The following PRKCH variants were observed in gnomAD, a reference collection of about 807,000 sequenced individuals.
PRKCH encodes protein kinase C eta.
In PRKCH, 28 loss-of-function variants were observed where a neutral mutation model predicts 82.5. The ratio of observed to expected loss-of-function variants is 0.34; its 90% CI spans 0.25 to 0.47. PRKCH has a LOEUF of 0.47. PRKCH is among the 20% of genes least tolerant of loss of function. The probability of loss-of-function intolerance (pLI) is 1.00; values close to 1 mark genes in which losing one functional copy is unlikely to be tolerated. For missense variants in PRKCH, 705 were observed against 881.8 expected, an observed-to-expected ratio of 0.80 and a Z score of 2.54; for synonymous variants, 322 against 327.4, an observed-to-expected ratio of 0.98 and a Z score of 0.18.
At chr14:61,407,179 A>G (rs1189148784) in intron 2 of PRKCH, among the ~76,000 whole-genome samples, 1 of 152,246 alleles carries the variant, frequency 6.6e-6, no homozygotes, top group Non-Finnish European at 1.5e-5. Flanking sequence ...GACTATTCTC[A>G]TGCTCTGACC....
intron 12 of PRKCH, chr14:61,543,233 G>A (rs17098749): frequency 0.061 from 9,309 of 152,228 alleles, 499 homozygotes; most frequent in East Asian, 0.28. Context: ...CGTCAGGAGG[G>A]AGCATGCCTG....
At chr14:61,340,019 T>G (rs2045912074) in intron 1 of PRKCH, among the ~76,000 whole-genome samples, 1 of 152,026 alleles carries the variant, frequency 6.6e-6, no homozygotes, top group Non-Finnish European at 1.5e-5. Context: ...CAAATCTTTC[T>G]GAGCACTCAG....
intron 7 of PRKCH, among the ~76,000 whole-genome samples, chr14:61,455,415 C>T (rs553021747): frequency 2.0e-5 from 3 of 152,242 alleles, no homozygotes; most frequent in African/African-American, 7.2e-5. Context: ...TCAGCAATGA[C>T]TGTTACATGT....
intron 9 of PRKCH, among the ~76,000 whole-genome samples, chr14:61,460,936 G>A (rs187984467): frequency 6.6e-6 from 1 of 152,294 alleles, no homozygotes; most frequent in East Asian, 1.9e-4. Flanking sequence ...CCTGGAGAAT[G>A]GGTGGAGCAG....
chr14:61,315,751 G>A (rs1345975836), intron 1 of PRKCH, among the ~76,000 whole-genome samples: 2 of 91,386 alleles, frequency 2.2e-5, no homozygotes, highest in African/African-American at 7.8e-5. Flanking sequence ...GTTATTTACT[G>A]GATTTTTTTT....
chr14:61,516,992 G>A (rs957995327), intron 10 of PRKCH, among the ~76,000 whole-genome samples: 1 of 152,156 alleles, frequency 6.6e-6, no homozygotes, highest in Non-Finnish European at 1.5e-5. Flanking sequence ...GTTTTTCAGA[G>A]GTTTGTGTTT....
chr14:61,350,606 C>T (rs2046059980), intron 1 of PRKCH, among the ~76,000 whole-genome samples: 2 of 152,116 alleles, frequency 1.3e-5, no homozygotes, highest in Admixed American at 1.3e-4. Context: ...CTCTTAAAGT[C>T]ACTGAAAGAA....
intron 1 of PRKCH, among the ~76,000 whole-genome samples, chr14:61,260,123 GT>G (rs368040445): frequency 1.7e-3 from 255 of 152,248 alleles, no homozygotes; most frequent in Non-Finnish European, 2.7e-3. Context: ...CTGATTACAT[GT>G]CTAAATAATA....
intron 9 of PRKCH, chr14:61,477,068 A>G (rs1220724898): frequency 1.3e-5 from 2 of 152,182 alleles, no homozygotes; most frequent in South Asian, 2.1e-4. Flanking sequence ...CACCCTGTAG[A>G]TGACTTTGTC....
intron 1 of PRKCH, among the ~76,000 whole-genome samples, chr14:61,195,050 A>G (rs866028636): frequency 6.6e-6 from 1 of 152,202 alleles, no homozygotes; most frequent in Non-Finnish European, 1.5e-5. Context: ...ATCATTTTAA[A>G]CAGTCAATAT....
chr14:61,395,051 C>T (rs1205173336), intron 2 of PRKCH, among the ~76,000 whole-genome samples: 3 of 152,128 alleles, frequency 2.0e-5, no homozygotes, highest in Non-Finnish European at 2.9e-5. Flanking sequence ...GCTGCTTTAT[C>T]CATGAGAAAT....
chr14:61,474,107 A>C (rs1017579635), intron 9 of PRKCH, among the ~76,000 whole-genome samples: 4 of 152,188 alleles, frequency 2.6e-5, no homozygotes, highest in African/African-American at 9.7e-5. Flanking sequence ...AAGAAGAAGA[A>C]TCAGAAGGAA....
At chr14:61,489,957 T>A (rs576971225) in intron 10 of PRKCH, among the ~76,000 whole-genome samples, 36 of 152,340 alleles carry the variant, frequency 2.4e-4, no homozygotes, top group Middle Eastern at 3.4e-3. Context: ...TGTGGAATAC[T>A]GTATCTGAAA....
intron 10 of PRKCH, among the ~76,000 whole-genome samples, chr14:61,508,122 T>C (rs1260233649): frequency 6.6e-6 from 1 of 152,136 alleles, no homozygotes; most frequent in Non-Finnish European, 1.5e-5. Context: ...TTAAAAATCC[T>C]CTTCCCTTTG....
intron 1 of PRKCH, among the ~76,000 whole-genome samples, chr14:61,329,462 C>A (rs2045752698): frequency 6.6e-6 from 1 of 152,050 alleles, no homozygotes; most frequent in Non-Finnish European, 1.5e-5. Context: ...TCTCAAACTC[C>A]TGACTTCAGG....
intron 1 of PRKCH, among the ~76,000 whole-genome samples, chr14:61,295,772 CTGTTA>C (rs1289808271): frequency 6.6e-6 from 1 of 152,192 alleles, no homozygotes; most frequent in Non-Finnish European, 1.5e-5. Flanking sequence ...CTTAGTATGG[CTGTTA>C]CTGTTGCTGC....
intron 1 of PRKCH, among the ~76,000 whole-genome samples, chr14:61,324,828 GT>G (rs1432622739): frequency 1.3e-5 from 2 of 152,094 alleles, no homozygotes; most frequent in African/African-American, 4.8e-5. Context: ...TTGACATGTA[GT>G]TTATTCAGAG....
chr14:61,494,175 G>C (rs926464064), intron 10 of PRKCH, among the ~76,000 whole-genome samples: 1 of 152,156 alleles, frequency 6.6e-6, no homozygotes, highest in African/African-American at 2.4e-5. Flanking sequence ...TCAGGACATA[G>C]CTATTAGTTG....
intron 10 of PRKCH, among the ~76,000 whole-genome samples, chr14:61,506,103 C>A (rs770991603): frequency 3.9e-5 from 6 of 152,084 alleles, no homozygotes; most frequent in Non-Finnish European, 8.8e-5. Flanking sequence ...TCAATAGGTC[C>A]CCTTGTGGGT....
Sources: gnomAD v4.1 joint callset for allele counts (sites outside exome capture counted in the v4.1 genomes callset) on GRCh38, gnomAD v4.1.1 for gene constraint, MANE v1.5 for transcripts, NCBI Gene and HGNC (gene_info 2026-07-23, HGNC 2026-07-21) for gene names.